CLYBL: variants seen among roughly 807,000 people sequenced by gnomAD.
CLYBL encodes citramalyl-CoA lyase.
A neutral mutation model predicts 38.9 loss-of-function variants in CLYBL; 31 were observed. The observed-to-expected ratio is 0.80, with a 90% CI of 0.60 to 1.08. The LOEUF is 1.08. Ranked by LOEUF, CLYBL falls within the 50% of genes least tolerant of loss-of-function variation. The pLI is 0.00. For synonymous variants in CLYBL, 171 were observed against 158.6 expected (o/e 1.08, Z -0.59); for missense variants, 434 against 411.6 (o/e 1.05, Z -0.47).
At chr13:99,608,788 C>T (rs375073894) in intron 1 of CLYBL, among the ~76,000 whole-genome samples, 2 of 148,026 alleles carry the variant, frequency 1.4e-5, no homozygotes, top group African/African-American at 2.5e-5. Flanking sequence ...TTTTTGCCTC[C>T]ATTATTCTAA....
chr13:99,803,811 C>T (rs1282628358), intron 2 of CLYBL, among the ~76,000 whole-genome samples: 2 of 152,064 alleles, frequency 1.3e-5, no homozygotes, highest in Non-Finnish European at 1.5e-5. Flanking sequence ...GGTAGTTCAC[C>T]GTCTAGTATG....
At chr13:99,670,444 C>T (rs2047548939) in intron 1 of CLYBL, among the ~76,000 whole-genome samples, 1 of 151,700 alleles carries the variant, frequency 6.6e-6, no homozygotes, top group African/African-American at 2.4e-5. Context: ...TGGCAGTTTC[C>T]TGAAACATAA....
At chr13:99,658,578 C>T (rs2047363641) in intron 1 of CLYBL, among the ~76,000 whole-genome samples, 1 of 152,176 alleles carries the variant, frequency 6.6e-6, no homozygotes, top group South Asian at 2.1e-4. Flanking sequence ...GTAGCTAGGC[C>T]CTCCAGCCCG....
chr13:99,713,684 C>CTGATTGAT (rs931206459), intron 1 of CLYBL, among the ~76,000 whole-genome samples: 3 of 150,664 alleles, frequency 2.0e-5, no homozygotes, highest in Non-Finnish European at 4.4e-5. Flanking sequence ...TCTAATGTTT[C>CTGATTGAT]TGATTGATTG....
chr13:99,828,794 T>A (rs1467486457), intron 2 of CLYBL, among the ~76,000 whole-genome samples: 1 of 152,222 alleles, frequency 6.6e-6, no homozygotes, highest in East Asian at 1.9e-4. Flanking sequence ...TTTTTCTTTC[T>A]TGCTCATTGC....
intron 1 of CLYBL, among the ~76,000 whole-genome samples, chr13:99,709,179 A>G (rs4468465): frequency 0.88 from 134,016 of 152,194 alleles, 59,064 homozygotes; most frequent in Middle Eastern, 0.95. Flanking sequence ...AAATTTGGGC[A>G]CAGAGATAGA....
intron 2 of CLYBL, among the ~76,000 whole-genome samples, chr13:99,808,098 G>GT (rs1301995320): frequency 1.3e-5 from 2 of 152,032 alleles, no homozygotes; most frequent in African/African-American, 4.8e-5. Context: ...TTGTTTGTTT[G>GT]TTTTTGAAAT....
Position 99,755,623 on chromosome 13 carries a change from T to C in CLYBL, c.63-17201T>C, listed in dbSNP as rs1482631016. Among the ~76,000 whole-genome samples the C allele has an allele frequency of 2.0e-5, 3 of 152,338 alleles. No homozygotes were observed. In the South Asian group the frequency reaches 6.2e-4, roughly 32 times the overall value. On this transcript the variant is annotated intron_variant, in intron 1 of 8. Coordinates refer to ENST00000339105, the MANE Select transcript of CLYBL (RefSeq NM_206808.5). ...TCTGGATTCTTCCATCCTCAGGGAA[T>C]GGATAGCATGCCACTGTTGCCCTTC...
At chr13:99,610,669 A>T (rs900936505) in intron 1 of CLYBL, among the ~76,000 whole-genome samples, 4 of 152,150 alleles carry the variant, frequency 2.6e-5, no homozygotes, top group African/African-American at 9.7e-5. Flanking sequence ...TCCTGCTTCC[A>T]CAGAGACTGA....
chr13:99,765,231 G>A (rs1042698191), intron 1 of CLYBL, among the ~76,000 whole-genome samples: 2 of 152,106 alleles, frequency 1.3e-5, no homozygotes, highest in African/African-American at 4.8e-5. Context: ...CTTTAAAAAT[G>A]TCATTCTGCT....
intron 1 of CLYBL, among the ~76,000 whole-genome samples, chr13:99,753,310 C>G (rs987383666): frequency 6.6e-6 from 1 of 152,022 alleles, no homozygotes; most frequent in Non-Finnish European, 1.5e-5. Context: ...AGAGGAGCAT[C>G]ATGATTTGAT....
intron 2 of CLYBL, among the ~76,000 whole-genome samples, chr13:99,818,484 C>CACAT (rs1392143824): frequency 1.6e-4 from 24 of 148,836 alleles, no homozygotes; most frequent in African/African-American, 5.8e-4. Context: ...CACACACACA[C>CACAT]GGACACACAC....
chr13:99,682,685 A>C (rs985622181), intron 1 of CLYBL, among the ~76,000 whole-genome samples: 13 of 152,020 alleles, frequency 8.6e-5, no homozygotes, highest in African/African-American at 3.1e-4. Context: ...TACATTTATT[A>C]AAAAAAACAA....
intron 2 of CLYBL, among the ~76,000 whole-genome samples, chr13:99,832,892 GA>G (rs976184019): frequency 7.6e-4 from 112 of 147,582 alleles, no homozygotes; most frequent in African/African-American, 2.7e-3. Flanking sequence ...AAAAATAAAA[GA>G]AAAAAACCCA....
chr13:99,646,349 G>A (rs1055456745), intron 1 of CLYBL, among the ~76,000 whole-genome samples: 1 of 152,032 alleles, frequency 6.6e-6, no homozygotes, highest in Non-Finnish European at 1.5e-5. Context: ...AAGGGTTGCT[G>A]AAGGATGGAG....
In CLYBL at chr13:99,717,599, A is replaced by C. The variant is rs530612409; in HGVS notation, c.63-55225A>C. Among the ~76,000 whole-genome samples, 3 of 151,994 alleles carry C rather than the reference A, an allele frequency of 2.0e-5. 1 individual carries two copies. Among genetic ancestry groups the C allele is most frequent in the African/African-American group, 7.2e-5 (3 of 41,498 alleles). On this transcript the variant is annotated intron_variant, in intron 1 of 8. Transcript: ENST00000339105. ...CTCAGCCTCCTGTGTAACTGGGACTACAGGTACACGCCACCATGCCTGGCT... is the reference window on the plus strand; with the variant it reads ...CTCAGCCTCCTGTGTAACTGGGACTCCAGGTACACGCCACCATGCCTGGCT...
At chr13:99,871,990 CAAA>C (rs113487766) in intron 7 of CLYBL, among the ~76,000 whole-genome samples, 10 of 119,396 alleles carry the variant, frequency 8.4e-5, no homozygotes, top group South Asian at 2.7e-4. Context: ...TTCCCCCCTG[CAAA>C]AAAAAAAAAA....
At chr13:99,844,810 C>T (rs919065300) in intron 2 of CLYBL, among the ~76,000 whole-genome samples, 1 of 152,214 alleles carries the variant, frequency 6.6e-6, no homozygotes, top group Admixed American at 6.5e-5. Context: ...AGCCTGAGAG[C>T]TGACACCTAG....
chr13:99,671,760 A>G (rs1334709319), intron 1 of CLYBL, among the ~76,000 whole-genome samples: 1 of 147,554 alleles, frequency 6.8e-6, no homozygotes, highest in Non-Finnish European at 1.5e-5. Context: ...AGCTTGGGTG[A>G]CACAGCAAGA....
Sources: allele counts gnomAD v4.1 joint callset (sites outside exome capture counted in the v4.1 genomes callset), GRCh38; gene constraint gnomAD v4.1.1; transcripts MANE v1.5; gene names NCBI Gene and HGNC (gene_info 2026-07-23, HGNC 2026-07-21).